EPHB2: variants seen among roughly 807,000 people sequenced by gnomAD.
The protein encoded by EPHB2 is ephrin type-B receptor 2.
EPHB2 carries 18 observed loss-of-function variants against 96.4 expected under a neutral mutation model. That is an observed-to-expected ratio of 0.19 (90% CI 0.13 to 0.28). EPHB2 has a LOEUF of 0.28. EPHB2 is among the 10% of genes least tolerant of loss of function. The probability of loss-of-function intolerance (pLI) is 1.00; values close to 1 mark genes in which losing one functional copy is unlikely to be tolerated. For missense variants in EPHB2, 989 were observed against 1,355.4 expected, an observed-to-expected ratio of 0.73 and a Z score of 4.25; for synonymous variants, 506 against 534.1, an observed-to-expected ratio of 0.95 and a Z score of 0.72.
chr1:22,775,103 A>G (rs1644430924), intron 1 of EPHB2: 2 of 744,278 alleles, frequency 2.7e-6, no homozygotes, highest in South Asian at 1.4e-5. Flanking sequence ...AGATAAATGC[A>G]CACACACAAG....
In EPHB2 at chr1:22,892,700, G is replaced by A. The variant is rs1639427038; in HGVS notation, c.1429-184G>A. Reference sequence around the variant, plus strand: ...AGACATATACTCTGCCTACCTTTGTGGGCAGTGTTGAAAAGTAACATGGCA... The same window carrying A: ...AGACATATACTCTGCCTACCTTTGTAGGCAGTGTTGAAAAGTAACATGGCA... On this transcript the variant is annotated intron_variant, in intron 6 of 15. Transcript: ENST00000374630. The A allele has an allele frequency of 3.7e-6, 3 of 800,860 alleles. No individual in the cohort carries two copies. The East Asian group carries it at 7.3e-5, about 20-fold the overall frequency. The allele number at this position is 800,860 out of a possible 1,614,324, so 49.6% of individuals were successfully genotyped here.
Position 22,890,032 on chromosome 1 carries a change from G to A in EPHB2, c.1429-2852G>A, listed in dbSNP as rs532669871. On this transcript the variant is annotated intron_variant, in intron 6 of 15. Coordinates refer to ENST00000374630, the MANE Select transcript of EPHB2 (RefSeq NM_017449.5). The stretch of plus-strand genomic sequence containing the variant: ...TGGCAGGAACCTAGGAAACATTAGG[G>A]ATGTTGCAGGAGAGACTGCAAAATG... Among the ~76,000 whole-genome samples, 10 of 152,302 alleles carry A rather than the reference G, an allele frequency of 6.6e-5. 1 individual carries two copies. The South Asian group carries it at 2.1e-3, about 32-fold the overall frequency.
intron 5 of EPHB2, among the ~76,000 whole-genome samples, chr1:22,870,665 T>G (rs972603160): frequency 6.6e-6 from 1 of 152,166 alleles, no homozygotes; most frequent in Non-Finnish European, 1.5e-5. Context: ...CCAGCGCCCT[T>G]GGCCATTCTC....
chr1:22,741,407 C>T (rs927635949), intron 1 of EPHB2, among the ~76,000 whole-genome samples: 10 of 152,210 alleles, frequency 6.6e-5, no homozygotes, highest in South Asian at 2.1e-4. Context: ...CTCCAGCCTG[C>T]GCCCCCTAGT....
intron 1 of EPHB2, among the ~76,000 whole-genome samples, chr1:22,777,403 G>C (rs1644467278): frequency 6.6e-6 from 1 of 152,160 alleles, no homozygotes; most frequent in Admixed American, 6.5e-5. Context: ...GCTCCTAATA[G>C]GGTCTCAGCA....
intron 5 of EPHB2, among the ~76,000 whole-genome samples, chr1:22,866,228 A>G (rs1638470130): frequency 6.6e-6 from 1 of 152,090 alleles, no homozygotes; most frequent in African/African-American, 2.4e-5. Context: ...CCAAACCCCT[A>G]CAGTAAGCAT....
chr1:22,796,717 A>G (rs957190527), intron 3 of EPHB2, among the ~76,000 whole-genome samples: 1 of 152,236 alleles, frequency 6.6e-6, no homozygotes, highest in African/African-American at 2.4e-5. Flanking sequence ...GCTGGAATCT[A>G]CTTGTAAGTA....
In EPHB2 at chr1:22,860,806, G is replaced by T. The variant is rs776664862; in HGVS notation, c.812-2231G>T. 6.6e-6 allele frequency among the ~76,000 whole-genome samples: 1 copy of T among 152,156 alleles called. No individual in the cohort carries two copies. The highest frequency in any genetic ancestry group is 2.4e-5 in the African/African-American group (1 of 41,440). On this transcript the variant is annotated intron_variant, in intron 3 of 15. Transcript: ENST00000374630. This position sits in a 1 kb window ranked among gnomAD's most constrained non-coding sequence, Gnocchi z 4.6. ...ACCCGTTCAGAGAGGCCGACTGCTC[G>T]ACCAGAGCTGGGGCTGCAGCCTGCA...
chr1:22,843,782 C>A lies in EPHB2; in HGVS notation c.812-19255C>A, dbSNP rs139168564. 6.8e-3 allele frequency among the ~76,000 whole-genome samples: 1,039 copies of A among 152,374 alleles called. 12 individuals carry two copies. The highest frequency in any genetic ancestry group is 0.024 in the African/African-American group (979 of 41,584). Reference sequence around the variant, plus strand: ...TCTCGAACTCCTGACCTCAAGTGATCTGCCCACCTCAGTTTCCCAAAGTGC... The same window carrying A: ...TCTCGAACTCCTGACCTCAAGTGATATGCCCACCTCAGTTTCCCAAAGTGC... On this transcript the variant is annotated intron_variant, in intron 3 of 15. Transcript: ENST00000374630.
chr1:22,796,302 C>T (rs1434129537), intron 3 of EPHB2, among the ~76,000 whole-genome samples: 1 of 152,106 alleles, frequency 6.6e-6, no homozygotes, highest in African/African-American at 2.4e-5. Context: ...AGGGGTTATC[C>T]TGCGGGGTGG....
intron 1 of EPHB2, among the ~76,000 whole-genome samples, chr1:22,761,789 C>T (rs1251650990): frequency 1.3e-5 from 2 of 152,176 alleles, no homozygotes; most frequent in African/African-American, 2.4e-5. Context: ...ATGGTGTGTG[C>T]AGTCTGCCAG....
chr1:22,873,601 G>A (rs1462678477), intron 5 of EPHB2, among the ~76,000 whole-genome samples: 2 of 152,182 alleles, frequency 1.3e-5, no homozygotes, highest in African/African-American at 2.4e-5. Flanking sequence ...GCATGGCTTA[G>A]ACTAAAGGGA....
Position 22,800,944 on chromosome 1 carries a change from G to A in EPHB2, c.811+15868G>A, listed in dbSNP as rs139363603. Among the ~76,000 whole-genome samples the A allele has an allele frequency of 2.8e-3, 431 of 152,272 alleles. 3 individuals carry two copies. Among genetic ancestry groups the A allele is most frequent in the African/African-American group, 0.01 (416 of 41,556 alleles). ...TTAAAGCAAACCAGGCCTGTTTTGC[G>A]CAACGCTCCATCCCTGGCCCGCCCA... On this transcript the variant is annotated intron_variant, in intron 3 of 15. Coordinates refer to ENST00000374630, the MANE Select transcript of EPHB2 (RefSeq NM_017449.5).
At chr1:22,727,728 A>C (rs1000832713) in intron 1 of EPHB2, among the ~76,000 whole-genome samples, 3 of 111,616 alleles carry the variant, frequency 2.7e-5, no homozygotes, top group East Asian at 2.4e-4. Flanking sequence ...GCTTGAACAT[A>C]TTTTCTTTTC....
intron 9 of EPHB2, among the ~76,000 whole-genome samples, chr1:22,904,345 G>A (rs952755664): frequency 6.6e-6 from 1 of 151,684 alleles, no homozygotes; most frequent in African/African-American, 2.4e-5. Flanking sequence ...ACTCAAGGTT[G>A]GATTTTTTGA....
In EPHB2 at chr1:22,787,779, G is replaced by A. The variant is rs1175541557; in HGVS notation, c.811+2703G>A. Reference sequence around the variant, plus strand: ...AAACATGCATTATCTCATAGTTTCTGAGGGTCAGGAATCCAGGTGTGGTTT... The same window carrying A: ...AAACATGCATTATCTCATAGTTTCTAAGGGTCAGGAATCCAGGTGTGGTTT... On this transcript the variant is annotated intron_variant, in intron 3 of 15. Coordinates refer to ENST00000374630, the MANE Select transcript of EPHB2 (RefSeq NM_017449.5). 2.0e-5 allele frequency among the ~76,000 whole-genome samples: 3 copies of A among 152,196 alleles called. No homozygotes were observed. The East Asian group carries it at 5.8e-4, about 29-fold the overall frequency.
intron 1 of EPHB2, among the ~76,000 whole-genome samples, chr1:22,747,238 C>T (rs762466808): frequency 2.0e-5 from 3 of 152,252 alleles, no homozygotes; most frequent in Non-Finnish European, 2.9e-5. Context: ...GTCACAGCAG[C>T]TGTGGGCCAC....
chr1:22,756,317 G>A (rs777033608), intron 1 of EPHB2, among the ~76,000 whole-genome samples: 4 of 152,128 alleles, frequency 2.6e-5, no homozygotes, highest in African/African-American at 7.2e-5. Context: ...GGAAGGGTCC[G>A]GAGGGGAGGC....
chr1:22,720,662 C>CCCA (rs1643434667), intron 1 of EPHB2, among the ~76,000 whole-genome samples: 1 of 76,248 alleles, frequency 1.3e-5, no homozygotes. Context: ...AATCTCATTC[C>CCCA]CCCCCCCCCC....
Sources: allele counts gnomAD v4.1 joint callset (sites outside exome capture counted in the v4.1 genomes callset), GRCh38; gene constraint gnomAD v4.1.1; non-coding constraint Gnocchi (gnomAD v3.1); transcripts MANE v1.5; gene names NCBI Gene and HGNC (gene_info 2026-07-23, HGNC 2026-07-21).